PRKAR2B: variants seen among roughly 807,000 people sequenced by gnomAD.
PRKAR2B encodes cAMP-dependent protein kinase type II-beta regulatory subunit.
In PRKAR2B, 14 loss-of-function variants were observed where a neutral mutation model predicts 49.9. The ratio of observed to expected loss-of-function variants is 0.28; its 90% confidence interval spans 0.19 to 0.44. The LOEUF (loss-of-function observed/expected upper bound fraction) is 0.44, where lower values mean the gene tolerates loss of function less well. Ranked by LOEUF, PRKAR2B falls within the 20% of genes least tolerant of loss-of-function variation. PRKAR2B has a pLI of 1.00. For synonymous variants in PRKAR2B, 196 were observed against 197.7 expected (o/e 0.99, Z 0.07); for missense variants, 393 against 537.9 (o/e 0.73, Z 2.67).
At chr7:107,052,614 C>T (rs1165883944) in intron 1 of PRKAR2B, among the ~76,000 whole-genome samples, 2 of 152,156 alleles carry the variant, frequency 1.3e-5, no homozygotes, top group African/African-American at 4.8e-5. Flanking sequence ...TCAGGGTCTT[C>T]CTCTTCAACC....
chr7:107,051,422 C>T (rs962451240), intron 1 of PRKAR2B, among the ~76,000 whole-genome samples: 1 of 152,056 alleles, frequency 6.6e-6, no homozygotes, highest in Non-Finnish European at 1.5e-5. Context: ...TTACTGTGTT[C>T]TTGATCCTGT....
intron 2 of PRKAR2B, among the ~76,000 whole-genome samples, chr7:107,119,857 G>A (rs1795356109): frequency 6.6e-6 from 1 of 152,170 alleles, no homozygotes; most frequent in South Asian, 2.1e-4. Flanking sequence ...TTTAATGTGA[G>A]CCTGCTTCTG....
chr7:107,118,455 TAA>T lies in PRKAR2B; in HGVS notation c.344-3485_344-3484del, dbSNP rs34519369. Among the ~76,000 whole-genome samples, 116 of 147,274 alleles carry T rather than the reference TAA, an allele frequency of 7.9e-4. 1 individual carries two copies. Among genetic ancestry groups the T allele is most frequent in the Admixed American group, 2.2e-3 (32 of 14,834 alleles). The stretch of plus-strand genomic sequence containing the variant: ...TTTGTTCATCAACCAGTCATTTATT[TAA>T]AAAAAAAAAAAGCATTGAGCTAGTA... On this transcript the variant is annotated intron_variant, in intron 2 of 10. Coordinates refer to ENST00000265717, the MANE Select transcript of PRKAR2B (RefSeq NM_002736.3).
At chr7:107,156,543 C>T (rs1015895740) in intron 8 of PRKAR2B, among the ~76,000 whole-genome samples, 20 of 152,116 alleles carry the variant, frequency 1.3e-4, no homozygotes, top group African/African-American at 4.3e-4. Context: ...CGGTGGCTCA[C>T]GCCTGTAATC....
At chr7:107,156,218 T>C (rs1796085332) in intron 8 of PRKAR2B, among the ~76,000 whole-genome samples, 1 of 151,994 alleles carries the variant, frequency 6.6e-6, no homozygotes, top group African/African-American at 2.4e-5. Flanking sequence ...TGTATACCTG[T>C]GTAACAAACC....
At position 107,159,606 on chromosome 7, in the gene PRKAR2B, G is replaced by C. The variant is rs781693746; in HGVS notation, c.*24G>C. On this transcript the variant is annotated 3_prime_UTR_variant, in exon 11 of 11. Transcript: ENST00000265717. ...GAAGCAAAAGTATGGAGCAAGACCTGTAGTGACAAAATTACACAGTAGTGG... is the reference window on the plus strand; with the variant it reads ...GAAGCAAAAGTATGGAGCAAGACCTCTAGTGACAAAATTACACAGTAGTGG... 2 of 1,612,298 alleles carry C rather than the reference G, an allele frequency of 1.2e-6. No homozygotes were observed. Among genetic ancestry groups the C allele is most frequent in the Non-Finnish European group, 1.7e-6 (2 of 1,178,662 alleles).
intron 2 of PRKAR2B, among the ~76,000 whole-genome samples, chr7:107,108,549 C>T (rs1335283318): frequency 6.6e-6 from 1 of 152,136 alleles, no homozygotes. Context: ...AGATCAATGT[C>T]AAGGGGGAAC....
chr7:107,129,580 C>A (rs1282371848), intron 4 of PRKAR2B, among the ~76,000 whole-genome samples: 1 of 152,138 alleles, frequency 6.6e-6, no homozygotes, highest in Non-Finnish European at 1.5e-5. Context: ...CTCATCCAGA[C>A]CCCAAGAGAG....
intron 1 of PRKAR2B, among the ~76,000 whole-genome samples, chr7:107,060,082 A>G (rs1422275985): frequency 2.6e-5 from 4 of 152,304 alleles, no homozygotes; most frequent in Middle Eastern, 6.8e-3. Context: ...AAAATATGTT[A>G]TTAGTAACGT....
chr7:107,053,692 C>T (rs914065448), intron 1 of PRKAR2B, among the ~76,000 whole-genome samples: 10 of 152,042 alleles, frequency 6.6e-5, no homozygotes, highest in Non-Finnish European at 1.3e-4. Context: ...AAAATCCAGG[C>T]TTTTTCTTTT....
Position 107,116,866 on chromosome 7 carries a change from C to CAT in PRKAR2B, c.344-5074_344-5073dup, listed in dbSNP as rs922629360. On this transcript the variant is annotated intron_variant, in intron 2 of 10. Coordinates refer to ENST00000265717, the MANE Select transcript of PRKAR2B (RefSeq NM_002736.3). ...TTCCCTTTACTTAGCTATATATATA[C>CAT]ATATATATATATACACACATATATA... 6.3e-3 allele frequency among the ~76,000 whole-genome samples: 908 copies of CAT among 143,190 alleles called. 6 individuals carry two copies. Among genetic ancestry groups the CAT allele is most frequent in the African/African-American group, 0.016 (636 of 38,602 alleles). The allele number at this position is 143,190 out of a possible 152,430, so 93.9% of individuals were successfully genotyped here. A position where few individuals can be genotyped will look rare whatever the true frequency, so the allele number is the denominator to read the frequency against.
intron 5 of PRKAR2B, among the ~76,000 whole-genome samples, chr7:107,141,962 A>G (rs1174360357): frequency 3.3e-5 from 5 of 152,240 alleles, no homozygotes; most frequent in Non-Finnish European, 7.3e-5. Flanking sequence ...GCCTTATGCA[A>G]TAGATGAATC....
intron 2 of PRKAR2B, among the ~76,000 whole-genome samples, chr7:107,111,331 G>A (rs953451579): frequency 6.6e-6 from 1 of 152,136 alleles, no homozygotes; most frequent in East Asian, 1.9e-4. Flanking sequence ...TTGGGAGCTC[G>A]CCACCATGAA....
chr7:107,071,180 T>C (rs1182152149), intron 2 of PRKAR2B, among the ~76,000 whole-genome samples: 4 of 152,248 alleles, frequency 2.6e-5, no homozygotes, highest in African/African-American at 9.6e-5. Context: ...GGAAATTTTT[T>C]GTTAAACCCA....
intron 1 of PRKAR2B, among the ~76,000 whole-genome samples, chr7:107,062,802 T>G (rs973605979): frequency 5.9e-5 from 9 of 152,184 alleles, no homozygotes; most frequent in Admixed American, 5.2e-4. Flanking sequence ...TCTTGTGAAA[T>G]CTTTCATTAT....
intron 2 of PRKAR2B, among the ~76,000 whole-genome samples, chr7:107,107,607 T>C (rs773091115): frequency 4.0e-5 from 6 of 151,578 alleles, no homozygotes; most frequent in Non-Finnish European, 8.8e-5. Flanking sequence ...AATTATGAGG[T>C]ATGAATGGGT....
chr7:107,136,383 C>T (rs1795702206), intron 4 of PRKAR2B, among the ~76,000 whole-genome samples: 1 of 152,126 alleles, frequency 6.6e-6, no homozygotes, highest in East Asian at 1.9e-4. Context: ...AATGAAAAGA[C>T]AGGCTCAGAC....
chr7:107,126,453 G>A (rs1302795541), intron 3 of PRKAR2B, among the ~76,000 whole-genome samples: 4 of 137,932 alleles, frequency 2.9e-5, no homozygotes, highest in Non-Finnish European at 6.3e-5. Flanking sequence ...AGTCGTCATT[G>A]GTACGAGAGG....
At chr7:107,138,938 C>A (rs1795746648) in intron 4 of PRKAR2B, among the ~76,000 whole-genome samples, 1 of 151,904 alleles carries the variant, frequency 6.6e-6, no homozygotes, top group Non-Finnish European at 1.5e-5. Context: ...CTTGGCCTCC[C>A]AAAGTGCTGG....
Sources: gnomAD v4.1 joint callset for allele counts (sites outside exome capture counted in the v4.1 genomes callset) on GRCh38, gnomAD v4.1.1 for gene constraint, MANE v1.5 for transcripts, NCBI Gene and HGNC (gene_info 2026-07-23, HGNC 2026-07-21) for gene names.